The following DSCAM variants were observed in gnomAD, a reference collection of about 807,000 sequenced individuals.
The protein encoded by DSCAM is DS cell adhesion molecule, also known as cell adhesion molecule DSCAM.
Under a neutral mutation model 217.7 loss-of-function variants are expected in DSCAM, and 47 were observed. That is an observed-to-expected ratio of 0.22 (90% CI 0.17 to 0.28). The LOEUF (loss-of-function observed/expected upper bound fraction) is 0.28, where lower values mean the gene tolerates loss of function less well. Ranked by LOEUF, DSCAM falls within the 10% of genes least tolerant of loss-of-function variation. The pLI is 1.00. For missense variants in DSCAM, 2,080 were observed against 2,618.3 expected, an observed-to-expected ratio of 0.79 and a Z score of 4.49; for synonymous variants, 1,056 against 1,015.3, an observed-to-expected ratio of 1.04 and a Z score of -0.76.
At chr21:40,130,978 C>G (rs2090148916) in intron 19 of DSCAM, among the ~76,000 whole-genome samples, 2 of 152,202 alleles carry the variant, frequency 1.3e-5, no homozygotes, top group Non-Finnish European at 2.9e-5. Flanking sequence ...ATGTAGCTAT[C>G]TTTCTTCGCT....
chr21:40,274,227 G>A (rs747545386), intron 11 of DSCAM, among the ~76,000 whole-genome samples: 1 of 152,082 alleles, frequency 6.6e-6, no homozygotes, highest in Non-Finnish European at 1.5e-5. Flanking sequence ...AGGACATATG[G>A]GGGCATCGTC....
At chr21:40,392,407 A>G (rs973021198) in intron 3 of DSCAM, among the ~76,000 whole-genome samples, 2 of 152,216 alleles carry the variant, frequency 1.3e-5, no homozygotes, top group Admixed American at 6.5e-5. Flanking sequence ...CTAAAATGAT[A>G]TGTATTTTTT....
intron 15 of DSCAM, among the ~76,000 whole-genome samples, chr21:40,174,845 G>C (rs1568981649): frequency 6.6e-6 from 1 of 152,202 alleles, no homozygotes. Context: ...GGTCTGTCGT[G>C]GGCTGCAGCT....
At chr21:40,055,548 G>A (rs2089001378) in intron 29 of DSCAM, among the ~76,000 whole-genome samples, 177 bp downstream of exon 29, 1 of 152,182 alleles carries the variant, frequency 6.6e-6, no homozygotes, top group Non-Finnish European at 1.5e-5. Flanking sequence ...CAAATTTTCT[G>A]CACATTTGCT....
intron 5 of DSCAM, among the ~76,000 whole-genome samples, chr21:40,351,942 AGTAAT>A (rs2074635600): frequency 6.6e-6 from 1 of 152,202 alleles, no homozygotes; most frequent in Non-Finnish European, 1.5e-5. Flanking sequence ...AAGCAACATA[AGTAAT>A]GTGACTTGCA....
Position 40,144,511 on chromosome 21 carries a change from A to G in DSCAM, c.3239T>C (p.Ile1080Thr), listed in dbSNP as rs199690471. Reference sequence around the variant, plus strand: ...CCTACCATCCTCGAGAGTGGTGGTGATGATTTCCTGAGAAGAAGGCCCCGT... The same window carrying G: ...CCTACCATCCTCGAGAGTGGTGGTGGTGATTTCCTGAGAAGAAGGCCCCGT... ...AGTGPSSQEI[I>T]TTTLEDVPSY... is the part of the protein sequence containing the mutation. Residue 1080 changes from isoleucine (I) to threonine (T), a missense_variant, in exon 17 of 33, where the codon ATC becomes ACC. By Grantham distance (89) the Ile-to-Thr change is moderately conservative. Coordinates refer to ENST00000400454, the MANE Select transcript of DSCAM (RefSeq NM_001389.5). This position sits in a 1 kb window ranked among gnomAD's most constrained non-coding sequence, Gnocchi z 4.8. 6.2e-6 allele frequency: 10 copies of G among 1,614,182 alleles called. No homozygotes were observed. The highest frequency in any genetic ancestry group is 8.5e-6 in the Non-Finnish European group (10 of 1,180,038).
At chr21:40,023,330 C>T (rs147067262) in intron 32 of DSCAM, among the ~76,000 whole-genome samples, 7,376 of 152,046 alleles carry the variant, frequency 0.049, 235 homozygotes, top group Middle Eastern at 0.099. Flanking sequence ...AATAAACATA[C>T]GTGTGCATAT....
intron 28 of DSCAM, among the ~76,000 whole-genome samples, chr21:40,058,452 T>C (rs1041570721): frequency 6.6e-6 from 1 of 152,190 alleles, no homozygotes; most frequent in African/African-American, 2.4e-5. Context: ...CTGGAAAATA[T>C]GCTCCACCAG....
chr21:40,664,382 A>G (rs1415753925), intron 3 of DSCAM, among the ~76,000 whole-genome samples: 1 of 152,184 alleles, frequency 6.6e-6, no homozygotes. Flanking sequence ...AATATCAGAA[A>G]TTGAGGAGGA....
intron 11 of DSCAM, among the ~76,000 whole-genome samples, chr21:40,228,265 C>G (rs2142081): frequency 6.6e-6 from 1 of 152,084 alleles, no homozygotes; most frequent in Non-Finnish European, 1.5e-5. Context: ...CCATGTCGTC[C>G]TTTCTGGAAG....
chr21:40,385,442 A>T (rs984162508), intron 3 of DSCAM: 1 of 152,228 alleles, frequency 6.6e-6, no homozygotes, highest in Non-Finnish European at 1.5e-5. Context: ...AAATGAATGA[A>T]TCAATGAATC....
intron 3 of DSCAM, among the ~76,000 whole-genome samples, chr21:40,424,457 CA>C (rs1156239762): frequency 6.6e-6 from 1 of 152,228 alleles, no homozygotes; most frequent in Middle Eastern, 3.4e-3. Flanking sequence ...TAATACAAAC[CA>C]ACAAGAGCAA....
intron 1 of DSCAM, among the ~76,000 whole-genome samples, chr21:40,820,259 A>G (rs2091914224): frequency 6.6e-6 from 1 of 152,202 alleles, no homozygotes; most frequent in South Asian, 2.1e-4. Context: ...GCACAGATAT[A>G]CCATGGAATA....
At chr21:40,818,247 T>TA (rs71186970) in intron 1 of DSCAM, among the ~76,000 whole-genome samples, 17 of 150,254 alleles carry the variant, frequency 1.1e-4, no homozygotes, top group Non-Finnish European at 2.1e-4. Context: ...GTTTTCTTTT[T>TA]AAAAAAAAGA....
chr21:40,508,680 T>C (rs1297545109), intron 3 of DSCAM, among the ~76,000 whole-genome samples: 3 of 138,030 alleles, frequency 2.2e-5, no homozygotes, highest in African/African-American at 5.3e-5. Flanking sequence ...GGGAACCACC[T>C]ACCTCAGCCT....
chr21:40,377,368 C>T (rs1313779123), intron 3 of DSCAM, among the ~76,000 whole-genome samples: 2 of 152,034 alleles, frequency 1.3e-5, no homozygotes, highest in Non-Finnish European at 2.9e-5. Flanking sequence ...TGTGAGACGG[C>T]AAGGCATGGG....
chr21:40,195,755 C>T (rs980679457), intron 11 of DSCAM, among the ~76,000 whole-genome samples: 6 of 152,158 alleles, frequency 3.9e-5, no homozygotes, highest in Non-Finnish European at 8.8e-5. Flanking sequence ...TACAGGGTTC[C>T]CGGGTGGGAG....
intron 24 of DSCAM, among the ~76,000 whole-genome samples, chr21:40,081,375 G>T (rs1397535643): frequency 1.3e-5 from 2 of 152,054 alleles, no homozygotes; most frequent in East Asian, 3.9e-4. Flanking sequence ...GGGCAGGTTT[G>T]CTGATTTCCA....
intron 2 of DSCAM, among the ~76,000 whole-genome samples, chr21:40,706,105 G>A (rs887138389): frequency 1.3e-4 from 19 of 151,520 alleles, no homozygotes; most frequent in African/African-American, 4.1e-4. Flanking sequence ...GCGTGAACCC[G>A]GGAGGTGGAG....
Sources: allele counts gnomAD v4.1 joint callset (sites outside exome capture counted in the v4.1 genomes callset), GRCh38; gene constraint gnomAD v4.1.1; non-coding constraint Gnocchi (gnomAD v3.1); transcripts MANE v1.5; gene names NCBI Gene and HGNC (gene_info 2026-07-23, HGNC 2026-07-21).